The following AP3S2 variants were observed in gnomAD, a reference collection of about 807,000 sequenced individuals.
AP3S2 encodes the protein adaptor related protein complex 3 subunit sigma 2.
Under a neutral mutation model 23.4 loss-of-function variants are expected in AP3S2, and 22 were observed. The ratio of observed to expected loss-of-function variants is 0.94; its 90% confidence interval spans 0.67 to 1.34. AP3S2 has a LOEUF of 1.34. AP3S2 is among the 40% of genes most tolerant of loss of function. The probability of loss-of-function intolerance (pLI) is 0.00; values close to 1 mark genes in which losing one functional copy is unlikely to be tolerated. For missense variants in AP3S2, 241 were observed against 236.9 expected (o/e 1.02, Z -0.11); for synonymous variants, 86 against 87.1 (o/e 0.99, Z 0.07).
intron 4 of AP3S2, among the ~76,000 whole-genome samples, chr15:89,867,160 T>C (rs1024644377): frequency 2.0e-4 from 30 of 148,976 alleles, no homozygotes; most frequent in African/African-American, 7.3e-4. Flanking sequence ...GTGCCTGCGA[T>C]TGCAGGCACG....
At chr15:89,843,154 T>C (rs1051964079) in intron 4 of AP3S2, among the ~76,000 whole-genome samples, 1 of 151,616 alleles carries the variant, frequency 6.6e-6, no homozygotes, top group Non-Finnish European at 1.5e-5. Context: ...CTGACTAATT[T>C]TGTATTTTTC....
chr15:89,878,221 GA>G (rs201466584), intron 3 of AP3S2: 335 of 527,290 alleles, frequency 6.4e-4, no homozygotes, highest in South Asian at 1.1e-3. Context: ...TTCTCCAAAG[GA>G]AAAAAAAAAC....
chr15:89,888,911 CT>C, intron 2 of AP3S2, 137 bp downstream of exon 2: 1 of 988,714 alleles, frequency 1.0e-6, no homozygotes, highest in Non-Finnish European at 1.5e-6. Flanking sequence ...AATTGTGTCT[CT>C]CCCTGAGCAG....
chr15:89,845,464 A>G (rs1895463815), intron 4 of AP3S2: 2 of 152,378 alleles, frequency 1.3e-5, no homozygotes, highest in South Asian at 4.1e-4. Context: ...GATTGGAGAT[A>G]GATGGGACTT....
chr15:89,855,895 G>A (rs1895820361), intron 4 of AP3S2, among the ~76,000 whole-genome samples: 1 of 131,642 alleles, frequency 7.6e-6, no homozygotes, highest in Non-Finnish European at 1.6e-5. Context: ...GTATTTAAAT[G>A]TCTGCACCAA....
intron 4 of AP3S2, among the ~76,000 whole-genome samples, chr15:89,854,968 C>T (rs368453802): frequency 1.2e-5 from 1 of 81,354 alleles, no homozygotes; most frequent in African/African-American, 4.6e-5. Flanking sequence ...TCTGCCCGGC[C>T]GCCCCTACTG....
At chr15:89,859,164 G>GTCCT (rs57479258) in intron 4 of AP3S2, among the ~76,000 whole-genome samples, 109,613 of 149,690 alleles carry the variant, frequency 0.73, 40,253 homozygotes, top group Admixed American at 0.79. Context: ...CAGCCCAAGT[G>GTCCT]TCCTTCCTTC....
chr15:89,893,434 A>G, intron 1 of AP3S2: 1 of 302,662 alleles, frequency 3.3e-6, no homozygotes, highest in Non-Finnish European at 6.0e-6. Flanking sequence ...CCAACACTGA[A>G]GCAAAATAAT....
intron 4 of AP3S2, among the ~76,000 whole-genome samples, chr15:89,858,612 A>C (rs1895924741): frequency 6.6e-6 from 1 of 152,108 alleles, no homozygotes. Flanking sequence ...CTGCAATATA[A>C]GGAATAATAG....
At chr15:89,839,850 T>C (rs972369942) in intron 4 of AP3S2, among the ~76,000 whole-genome samples, 20 of 146,716 alleles carry the variant, frequency 1.4e-4, no homozygotes, top group African/African-American at 3.1e-4. Context: ...AAAGAATTCT[T>C]TTTTTTTTTT....
chr15:89,888,321 T>G (rs1236927878), intron 3 of AP3S2, among the ~76,000 whole-genome samples, 200 bp downstream of exon 3: 1 of 152,308 alleles, frequency 6.6e-6, no homozygotes, highest in East Asian at 1.9e-4. Flanking sequence ...CCAAGGGCAG[T>G]GCAAGGGCTA....
chr15:89,841,308 GAT>G (rs1246458620), intron 4 of AP3S2, among the ~76,000 whole-genome samples: 7 of 152,144 alleles, frequency 4.6e-5, no homozygotes, highest in Admixed American at 3.3e-4. Flanking sequence ...ATAACTACAG[GAT>G]ATCCAAAATT....
At chr15:89,872,029 T>C (rs972006898) in intron 3 of AP3S2, among the ~76,000 whole-genome samples, 5 of 151,414 alleles carry the variant, frequency 3.3e-5, no homozygotes. Context: ...CGAGAATAGC[T>C]TGAATGAGAA....
At chr15:89,881,508 C>T (rs1472555486) in intron 3 of AP3S2, among the ~76,000 whole-genome samples, 1 of 152,130 alleles carries the variant, frequency 6.6e-6, no homozygotes, top group East Asian at 1.9e-4. Context: ...TAAGATGTCA[C>T]CCACTACAAC....
rs554329140 is a variant in AP3S2, at chr15:89,850,991, A to C, written c.346-13269T>G. 2.7e-4 allele frequency among the ~76,000 whole-genome samples: 41 copies of C among 152,208 alleles called. No individual in the cohort carries two copies. The Middle Eastern group carries it at 0.01, about 38-fold the overall frequency. Reference sequence around the variant, plus strand: ...CAACCTCCCAGAGTGCTGGGATTACAGCACCTGGCCGATTTTTCACTAAAA... The same window carrying C: ...CAACCTCCCAGAGTGCTGGGATTACCGCACCTGGCCGATTTTTCACTAAAA... On this transcript the variant is annotated intron_variant, in intron 4 of 5. Coordinates refer to ENST00000336418, the MANE Select transcript of AP3S2 (RefSeq NM_005829.5).
At chr15:89,852,998 T>C (rs1895696773) in intron 4 of AP3S2, among the ~76,000 whole-genome samples, 1 of 152,148 alleles carries the variant, frequency 6.6e-6, no homozygotes, top group African/African-American at 2.4e-5. Flanking sequence ...CTTCACCCTT[T>C]TGGCAGTGGT....
intron 4 of AP3S2, among the ~76,000 whole-genome samples, chr15:89,857,417 G>GT (rs60762011): frequency 0.47 from 71,623 of 151,630 alleles, 17,224 homozygotes; most frequent in East Asian, 0.63. Context: ...AACACTCTCA[G>GT]ACATCAGTAC....
rs565444876 is a variant in AP3S2 at position 89,891,416 on chromosome 15, T to G, written c.70-2276A>C. Reference sequence around the variant, plus strand: ...GCTCACGCCTGTAATCCCTGCACTTTGGGAGGCCAAGACGGGCAGATTACT... The same window carrying G: ...GCTCACGCCTGTAATCCCTGCACTTGGGGAGGCCAAGACGGGCAGATTACT... On this transcript the variant is annotated intron_variant, in intron 1 of 5. Coordinates refer to ENST00000336418, the MANE Select transcript of AP3S2 (RefSeq NM_005829.5). Among the ~76,000 whole-genome samples, 11 of 152,264 alleles carry G rather than the reference T, an allele frequency of 7.2e-5. No individual in the cohort carries two copies. In the South Asian group the frequency reaches 2.3e-3, roughly 32 times the overall value.
intron 1 of AP3S2, 95 bp from the exon 2 acceptor site, chr15:89,889,235 G>A: frequency 7.5e-7 from 1 of 1,330,936 alleles, no homozygotes; most frequent in Non-Finnish European, 1.1e-6. Context: ...TTCTAAGCTG[G>A]GAACATCTAA....
Sources: gnomAD v4.1 joint callset for allele counts (sites outside exome capture counted in the v4.1 genomes callset) on GRCh38, gnomAD v4.1.1 for gene constraint, MANE v1.5 for transcripts, NCBI Gene and HGNC (gene_info 2026-07-23, HGNC 2026-07-21) for gene names.